MAP3K13: variants seen among roughly 807,000 people sequenced by gnomAD.
MAP3K13 encodes the protein leucine zipper-bearing kinase.
MAP3K13 carries 52 observed loss-of-function variants against 104.0 expected under a neutral mutation model. The ratio of observed to expected loss-of-function variants is 0.50; its 90% CI spans 0.40 to 0.63. The LOEUF is 0.63. Ranked by LOEUF, MAP3K13 falls within the 20% of genes least tolerant of loss-of-function variation. The probability of loss-of-function intolerance (pLI) is 0.00; values close to 1 mark genes in which losing one functional copy is unlikely to be tolerated. For missense variants in MAP3K13, 914 were observed against 1,218.5 expected (o/e 0.75, Z 3.72); for synonymous variants, 394 against 442.2 (o/e 0.89, Z 1.37).
In MAP3K13 at chr3:185,451,362, T is replaced by G. The variant is rs1233153758; in HGVS notation, c.1245T>G (p.Leu415=). The change falls in exon 7 of 14, where the codon CTT becomes CTG. Residue 415 remains leucine (L), a synonymous_variant. Transcript: ENST00000265026. ...TAGACATTGCCTCTGCAGATGTACT[T>G]GCCACCCCACAAGAAACTTACTTCA... is the stretch of plus-strand genomic sequence containing the variant. ...MHLDIASADV[L]ATPQETYFKS... 1 of 1,613,726 alleles carries G rather than the reference T, an allele frequency of 6.2e-7. No individual in the cohort carries two copies. Among genetic ancestry groups the G allele is most frequent in the Non-Finnish European group, 8.5e-7 (1 of 1,179,656 alleles).
intron 2 of MAP3K13, among the ~76,000 whole-genome samples, chr3:185,346,914 C>A (rs1368109295): frequency 6.6e-6 from 1 of 151,656 alleles, no homozygotes; most frequent in Non-Finnish European, 1.5e-5. Context: ...AATTTTTGAA[C>A]TCACATTTGT....
At position 185,336,817 on chromosome 3, in the gene MAP3K13, C is replaced by T. The variant is rs531316927; in HGVS notation, c.-86+51174C>T. 4.6e-5 allele frequency among the ~76,000 whole-genome samples: 7 copies of T among 151,728 alleles called. No individual in the cohort carries two copies. In the South Asian group the frequency reaches 1.2e-3, roughly 27 times the overall value. ...AAAAATTATTGCCCTCCCCTTATTA[C>T]AAAAAAAGTATGAATATATGTGTGT... On this transcript the variant is annotated intron_variant, in intron 2 of 14. Transcript: ENST00000424227.
rs79189683 is a variant in MAP3K13 at position 185,457,136 on chromosome 3, C to CCTGA, written c.1278+5741_1278+5742insCTGA. 3.9e-5 allele frequency among the ~76,000 whole-genome samples: 6 copies of CCTGA among 152,082 alleles called. No homozygotes were observed. In the East Asian group the frequency reaches 7.7e-4, roughly 20 times the overall value. On this transcript the variant is annotated intron_variant, in intron 7 of 13. Coordinates refer to ENST00000265026, the MANE Select transcript of MAP3K13 (RefSeq NM_004721.5). ...CCTGTGCAGGGCAGCTAAGTTGCCA[C>CCTGA]AGTCGGGTTCCTCACCTGAACCGCT...
chr3:185,311,672 A>G (rs1435893472), intron 2 of MAP3K13, among the ~76,000 whole-genome samples: 1 of 152,180 alleles, frequency 6.6e-6, no homozygotes, highest in Non-Finnish European at 1.5e-5. Flanking sequence ...GTTATTGTCT[A>G]GGCTCCCCTC....
intron 2 of MAP3K13, among the ~76,000 whole-genome samples, chr3:185,331,393 C>G (rs927703265): frequency 6.6e-6 from 1 of 151,836 alleles, no homozygotes; most frequent in Non-Finnish European, 1.5e-5. Context: ...CTGCGCCTGG[C>G]CTTTTCTTTT....
Position 185,288,546 on chromosome 3 carries a change from A to G in MAP3K13, c.-86+2903A>G, listed in dbSNP as rs1038777970. Among the ~76,000 whole-genome samples the G allele has an allele frequency of 2.2e-3, 179 of 82,378 alleles. 1 individual carries two copies. The highest frequency in any genetic ancestry group is 4.8e-3 in the Admixed American group (42 of 8,768). 54.0% of individuals were successfully genotyped at this position (82,378 alleles called of 152,430 possible). ...TGTGTGTGTGTGTTTGTGTGTATATATATATTCCAGAAAACCAGATAGGAA... is the reference window on the plus strand; with the variant it reads ...TGTGTGTGTGTGTTTGTGTGTATATGTATATTCCAGAAAACCAGATAGGAA... On this transcript the variant is annotated intron_variant, in intron 2 of 14. Coordinates refer to the MAP3K13 transcript ENST00000424227.
At chr3:185,467,411 T>C (rs756712355) in intron 10 of MAP3K13, among the ~76,000 whole-genome samples, 20 of 152,232 alleles carry the variant, frequency 1.3e-4, no homozygotes, top group Non-Finnish European at 2.5e-4. Context: ...TTACTTTTAT[T>C]CACACATTTA....
chr3:185,381,246 GCCACGGCGTC>G (rs1465543088), intron 1 of MAP3K13, among the ~76,000 whole-genome samples: 5 of 152,188 alleles, frequency 3.3e-5, no homozygotes, highest in Non-Finnish European at 7.3e-5. Context: ...ACAGGCATGA[GCCACGGCGTC>G]CAGCCAAGAG....
chr3:185,364,907 T>G (rs904954829), intron 1 of MAP3K13, among the ~76,000 whole-genome samples: 1 of 152,230 alleles, frequency 6.6e-6, no homozygotes, highest in Non-Finnish European at 1.5e-5. Context: ...CTTTTTTGTA[T>G]ATCTTCAGAG....
chr3:185,370,634 G>C (rs1419157372), intron 1 of MAP3K13, among the ~76,000 whole-genome samples: 1 of 150,928 alleles, frequency 6.6e-6, no homozygotes, highest in African/African-American at 2.4e-5. Flanking sequence ...ATTTGCCCAC[G>C]CACTTTCCTT....
intron 1 of MAP3K13, among the ~76,000 whole-genome samples, chr3:185,370,641 C>T (rs80049768): frequency 0.051 from 7,704 of 150,942 alleles, 316 homozygotes; most frequent in Non-Finnish European, 0.07. Context: ...CACGCACTTT[C>T]CTTATAAGCA....
intron 2 of MAP3K13, among the ~76,000 whole-genome samples, chr3:185,322,507 C>G (rs1721903165): frequency 6.6e-6 from 1 of 152,220 alleles, no homozygotes; most frequent in South Asian, 2.1e-4. Context: ...ACTCTGTTTT[C>G]CATGCTTCTC....
intron 1 of MAP3K13, among the ~76,000 whole-genome samples, chr3:185,401,215 C>T (rs1712795344): frequency 6.6e-6 from 1 of 152,174 alleles, no homozygotes; most frequent in African/African-American, 2.4e-5. Context: ...AAGCCTATTA[C>T]TTGTTTTCTC....
chr3:185,426,661 C>T lies in MAP3K13; in HGVS notation c.-85-1836C>T, dbSNP rs934159962. ...ATGCACTTATATATAGCCTACATTC[C>T]AGCCACTTTGGATTTCTCATCTGTT... On this transcript the variant is annotated intron_variant, in intron 1 of 13. Transcript: ENST00000265026. 4.6e-5 allele frequency among the ~76,000 whole-genome samples: 7 copies of T among 152,108 alleles called. No individual in the cohort carries two copies. In the South Asian group the frequency reaches 6.2e-4, roughly 14 times the overall value.
At chr3:185,351,901 G>T (rs959583682) in intron 2 of MAP3K13, among the ~76,000 whole-genome samples, 4 of 152,138 alleles carry the variant, frequency 2.6e-5, no homozygotes, top group African/African-American at 9.7e-5. Flanking sequence ...CAAAGCCCAG[G>T]GTTACTTCTA....
Position 185,473,386 on chromosome 3 carries a change from C to A in MAP3K13, c.2055C>A (p.Asn685Lys), listed in dbSNP as rs572971707. 130 of 1,614,226 alleles carry A rather than the reference C, an allele frequency of 8.1e-5. 4 individuals carry two copies. In the South Asian group the frequency reaches 1.4e-3, roughly 17 times the overall value. The part of the protein sequence containing the change: ...PAAALRSPLS[N>K]HAQRQLPGSS... ...CAGCCCTGCGGAGCCCACTCAGCAA[C>A]CATGCTCAGAGACAGCTGCCCGGCT... Residue 685 changes from asparagine to lysine, a missense_variant, in exon 11 of 14, where the codon AAC becomes AAA. By Grantham distance (94) the Asn-to-Lys change is moderately conservative. Transcript: ENST00000265026. The surrounding 1 kb of genome is among the most constrained non-coding windows in gnomAD (Gnocchi z 4.9).
At chr3:185,356,432 G>A (rs566531696) in intron 2 of MAP3K13, among the ~76,000 whole-genome samples, 1 of 152,302 alleles carries the variant, frequency 6.6e-6, no homozygotes, top group East Asian at 1.9e-4. Context: ...TTATGTAATT[G>A]GGAGGTCCAG....
chr3:185,367,867 A>G (rs1723963812), intron 1 of MAP3K13, among the ~76,000 whole-genome samples: 1 of 152,208 alleles, frequency 6.6e-6, no homozygotes, highest in Admixed American at 6.5e-5. Flanking sequence ...CAATGTTGTA[A>G]TTACAGACGT....
chr3:185,393,018 C>T lies in MAP3K13; in HGVS notation c.-86+29650C>T, dbSNP rs550421281. Among the ~76,000 whole-genome samples the T allele has an allele frequency of 1.5e-4, 23 of 152,152 alleles. No homozygotes were observed. The South Asian group carries it at 4.6e-3, about 30-fold the overall frequency. On this transcript the variant is annotated intron_variant, in intron 1 of 13. Transcript: ENST00000265026. Reference sequence around the variant, plus strand: ...AGTGAGCCGAGATCACGCCACTGCACTCCAGCCTGGGTGATGGAGTGAGAC... The same window carrying T: ...AGTGAGCCGAGATCACGCCACTGCATTCCAGCCTGGGTGATGGAGTGAGAC...
Sources: gnomAD v4.1 joint callset for allele counts (sites outside exome capture counted in the v4.1 genomes callset) on GRCh38, gnomAD v4.1.1 for gene constraint, Gnocchi (gnomAD v3.1) non-coding constraint, MANE v1.5 for transcripts, NCBI Gene and HGNC (gene_info 2026-07-23, HGNC 2026-07-21) for gene names.